Variants in PPP3CC observed in about 807,000 individuals in gnomAD.
PPP3CC encodes serine/threonine-protein phosphatase 2B catalytic subunit gamma isoform.
A neutral mutation model predicts 60.3 loss-of-function variants in PPP3CC; 35 were observed. The ratio of observed to expected loss-of-function variants is 0.58; its 90% CI spans 0.44 to 0.77. The LOEUF (loss-of-function observed/expected upper bound fraction) is 0.77, where lower values mean the gene tolerates loss of function less well. Among genes scored for constraint, PPP3CC ranks in the 30% least tolerant of loss-of-function variants. PPP3CC has a pLI of 0.00. For missense variants in PPP3CC, 570 were observed against 628.9 expected (o/e 0.91, Z 1.00); for synonymous variants, 206 against 224.3 (o/e 0.92, Z 0.73).
chr8:22,463,520 T>G (rs1837425460), intron 1 of PPP3CC, among the ~76,000 whole-genome samples: 1 of 152,194 alleles, frequency 6.6e-6, no homozygotes, highest in African/African-American at 2.4e-5. Context: ...TTTAGTTGAT[T>G]TATTATATTA....
At chr8:22,454,728 A>G (rs1837141126) in intron 1 of PPP3CC, among the ~76,000 whole-genome samples, 1 of 152,186 alleles carries the variant, frequency 6.6e-6, no homozygotes, top group African/African-American at 2.4e-5. Context: ...AGACTGAAAT[A>G]TTGCTATGTG....
chr8:22,451,799 T>A (rs1265558946), intron 1 of PPP3CC, among the ~76,000 whole-genome samples: 2 of 152,210 alleles, frequency 1.3e-5, no homozygotes, highest in African/African-American at 4.8e-5. Flanking sequence ...ATTTATAAAA[T>A]TATCTTCACA....
At chr8:22,449,383 G>C (rs1212584945) in intron 1 of PPP3CC, among the ~76,000 whole-genome samples, 1 of 149,790 alleles carries the variant, frequency 6.7e-6, no homozygotes, top group African/African-American at 2.5e-5. Flanking sequence ...AGGAGGTGGA[G>C]GTTGCAGGTT....
intron 4 of PPP3CC, 30 bp from the exon 5 acceptor site, chr8:22,511,056 T>C (rs763777870): frequency 1.2e-6 from 2 of 1,610,090 alleles, no homozygotes; most frequent in South Asian, 2.2e-5. Context: ...GTTTTAGTTC[T>C]TCCATTGACT....
Position 22,441,347 on chromosome 8 carries a change from G to T in PPP3CC, c.-63G>T. The T allele has an allele frequency of 1.3e-6, 2 of 1,487,950 alleles. No individual in the cohort carries two copies. Among genetic ancestry groups the T allele is most frequent in the Non-Finnish European group, 9.0e-7 (1 of 1,117,148 alleles). The allele number at this position is 1,487,950 out of a possible 1,614,324, so 92.2% of individuals were successfully genotyped here. On this transcript the variant is annotated 5_prime_UTR_variant, in exon 1 of 14. Coordinates refer to ENST00000240139, the MANE Select transcript of PPP3CC (RefSeq NM_005605.5). ...AGCTAAGGCTGCCCGAGGAGAAGGC[G>T]GCGGCCGCGGCGTAGGCGCACGTCC... is the stretch of plus-strand genomic sequence containing the variant.
At chr8:22,460,659 A>G (rs1457132087) in intron 1 of PPP3CC, among the ~76,000 whole-genome samples, 3 of 151,948 alleles carry the variant, frequency 2.0e-5, no homozygotes, top group Non-Finnish European at 4.4e-5. Context: ...TCTCTACAGA[A>G]AATTTAAAAA....
chr8:22,539,596 A>G (rs1586878962), intron 13 of PPP3CC, 98 bp downstream of exon 13: 1 of 1,275,930 alleles, frequency 7.8e-7, no homozygotes, highest in South Asian at 1.3e-5. Context: ...TTGCATCACC[A>G]GAACTATAAC....
intron 1 of PPP3CC, among the ~76,000 whole-genome samples, chr8:22,447,034 G>T (rs1173025161): frequency 6.6e-6 from 1 of 151,886 alleles, no homozygotes; most frequent in East Asian, 1.9e-4. Flanking sequence ...GGGGGACAGG[G>T]TCTCGCTCTG....
At chr8:22,452,282 C>T (rs1219436581) in intron 1 of PPP3CC, among the ~76,000 whole-genome samples, 1 of 152,128 alleles carries the variant, frequency 6.6e-6, no homozygotes. Flanking sequence ...TCAAGTGTTC[C>T]TCCCACCTCC....
intron 3 of PPP3CC, among the ~76,000 whole-genome samples, chr8:22,487,241 A>C (rs1838251792): frequency 6.6e-6 from 1 of 152,206 alleles, no homozygotes. Flanking sequence ...AGAGTAGAAC[A>C]TTTTTAAGAC....
chr8:22,531,824 G>T (rs1363522347), intron 10 of PPP3CC, among the ~76,000 whole-genome samples: 1 of 152,176 alleles, frequency 6.6e-6, no homozygotes, highest in Non-Finnish European at 1.5e-5. Flanking sequence ...TTGCCATTTG[G>T]CAGGCCGAAC....
At chr8:22,450,718 A>G (rs1377159559) in intron 1 of PPP3CC, among the ~76,000 whole-genome samples, 1 of 152,144 alleles carries the variant, frequency 6.6e-6, no homozygotes, top group African/African-American at 2.4e-5. Context: ...GATGGGCAGT[A>G]CCCTGCATGC....
At position 22,530,508 on chromosome 8, in the gene PPP3CC, A is replaced by AAAATAAAT. The variant is rs754526584; in HGVS notation, c.1142-1693_1142-1686dup. ...CCTATTCTTTCCCACCACAAACATA[A>AAAATAAAT]AAATAAATAAATAAATAAATAAATA... On this transcript the variant is annotated intron_variant, in intron 10 of 13. Transcript: ENST00000240139. 7.0e-3 allele frequency among the ~76,000 whole-genome samples: 853 copies of AAAATAAAT among 122,346 alleles called. 7 individuals carry two copies. The highest frequency in any genetic ancestry group is 0.025 in the African/African-American group (804 of 32,198). The allele number at this position is 122,346 out of a possible 152,430, so 80.3% of individuals were successfully genotyped here. A position where few individuals can be genotyped will look rare whatever the true frequency, so the allele number is the denominator to read the frequency against.
chr8:22,502,517 C>G (rs747135628), intron 4 of PPP3CC, among the ~76,000 whole-genome samples: 2 of 152,076 alleles, frequency 1.3e-5, no homozygotes, highest in African/African-American at 4.8e-5. Context: ...GTAAGACTCT[C>G]TCTCTACAAA....
chr8:22,457,717 A>C (rs574265899), intron 1 of PPP3CC, among the ~76,000 whole-genome samples: 1 of 152,308 alleles, frequency 6.6e-6, no homozygotes, highest in South Asian at 2.1e-4. Flanking sequence ...CTGCTTAACT[A>C]TTCTGTGTTT....
intron 3 of PPP3CC, among the ~76,000 whole-genome samples, chr8:22,482,274 C>G (rs1255570152): frequency 1.3e-5 from 2 of 152,192 alleles, no homozygotes; most frequent in South Asian, 2.1e-4. Context: ...TTGCATTTCT[C>G]TAATGACCAG....
At chr8:22,492,170 T>C (rs907508828) in intron 3 of PPP3CC, among the ~76,000 whole-genome samples, 2 of 152,124 alleles carry the variant, frequency 1.3e-5, no homozygotes, top group African/African-American at 4.8e-5. Context: ...TTGTGCTGAA[T>C]ACTGTAGGCA....
At chr8:22,475,803 C>G (rs1837870981) in intron 3 of PPP3CC, 179 bp downstream of exon 3, 4 of 624,204 alleles carry the variant, frequency 6.4e-6, no homozygotes, top group East Asian at 6.5e-5. Flanking sequence ...TTTTTTAAAA[C>G]CAGTCGAAAA....
At chr8:22,445,831 T>A (rs1409985079) in intron 1 of PPP3CC, among the ~76,000 whole-genome samples, 1 of 152,234 alleles carries the variant, frequency 6.6e-6, no homozygotes, top group Non-Finnish European at 1.5e-5. Flanking sequence ...CATTTACCAT[T>A]GTGATTAACA....
Sources: allele counts gnomAD v4.1 joint callset (sites outside exome capture counted in the v4.1 genomes callset), GRCh38; gene constraint gnomAD v4.1.1; transcripts MANE v1.5; gene names NCBI Gene and HGNC (gene_info 2026-07-23, HGNC 2026-07-21).